Variants in BST1 observed in about 807,000 individuals in gnomAD.
BST1 encodes the protein bone marrow stromal cell antigen 1, also known as ADP-ribosyl cyclase/cyclic ADP-ribose hydrolase 2.
A neutral mutation model predicts 40.6 loss-of-function variants in BST1; 49 were observed. The observed-to-expected ratio is 1.21, with a 90% CI of 0.96 to 1.53. The LOEUF (loss-of-function observed/expected upper bound fraction) is 1.53. Among genes scored for constraint, BST1 ranks in the 40% most tolerant of loss-of-function variants. The probability of loss-of-function intolerance (pLI) is 0.00; values close to 1 mark genes in which losing one functional copy is unlikely to be tolerated. For synonymous variants in BST1, 157 were observed against 159.3 expected, an observed-to-expected ratio of 0.99 and a Z score of 0.11; for missense variants, 423 against 395.9, an observed-to-expected ratio of 1.07 and a Z score of -0.58.
chr4:15,750,179 T>C, the BST1 span, among the ~76,000 whole-genome samples: 4 of 151,980 alleles, frequency 2.6e-5, no homozygotes, highest in African/African-American at 9.7e-5. Context: ...TGCCCACCAC[T>C]ATGCCCAGCT....
downstream of BST1, among the ~76,000 whole-genome samples, chr4:15,737,567 A>G (rs765366558): frequency 6.6e-6 from 1 of 152,182 alleles, no homozygotes; most frequent in Non-Finnish European, 1.5e-5. Flanking sequence ...GGCACACTTA[A>G]TGGGTACTTA....
chr4:15,732,163 AT>A lies in BST1; in HGVS notation c.*322del. On this transcript the variant is annotated 3_prime_UTR_variant, in exon 9 of 9. Coordinates refer to ENST00000265016, the MANE Select transcript of BST1 (RefSeq NM_004334.3). ...TTTAAGAGAATTCTAATAAAGCTGT[AT>A]TTTACATCATCTATATTTTCCTATA... The A allele has an allele frequency of 9.2e-7, 1 of 1,081,604 alleles. No homozygotes were observed. The highest frequency in any genetic ancestry group is 1.1e-6 in the Non-Finnish European group (1 of 886,780). 67.0% of individuals were successfully genotyped at this position (1,081,604 alleles called of 1,614,324 possible). A position where few individuals can be genotyped will look rare whatever the true frequency, so the allele number is the denominator to read the frequency against.
At chr4:15,705,664 T>C (rs1719844117) in intron 2 of BST1, 23 bp downstream of exon 2, 1 of 1,612,648 alleles carries the variant, frequency 6.2e-7, no homozygotes, top group South Asian at 1.1e-5. Flanking sequence ...CCATCTTGGG[T>C]AAAACTGTGT....
At chr4:15,723,197 T>TA (rs2148891013) in intron 8 of BST1, among the ~76,000 whole-genome samples, 1 of 152,338 alleles carries the variant, frequency 6.6e-6, no homozygotes, top group East Asian at 1.9e-4. Context: ...CATACTTCTG[T>TA]CCTAGTCTGT....
chr4:15,767,840 C>T, the BST1 span, among the ~76,000 whole-genome samples: 496 of 151,924 alleles, frequency 3.3e-3, 3 homozygotes, highest in Non-Finnish European at 4.2e-3. Context: ...AGGCTGGTCT[C>T]GAACTCCTGA....
chr4:15,722,000 C>T (rs1454825878), intron 7 of BST1, among the ~76,000 whole-genome samples: 1 of 152,140 alleles, frequency 6.6e-6, no homozygotes, highest in Non-Finnish European at 1.5e-5. Flanking sequence ...CAAGACCTGG[C>T]TCCTGTCTTC....
downstream of BST1, among the ~76,000 whole-genome samples, chr4:15,742,711 T>C (rs1721774463): frequency 6.6e-6 from 1 of 152,052 alleles, no homozygotes; most frequent in Admixed American, 6.5e-5. Flanking sequence ...GATGAAGAAG[T>C]GGGAATTGAG....
intron 6 of BST1, among the ~76,000 whole-genome samples, chr4:15,717,944 G>A (rs768205501): frequency 3.3e-5 from 5 of 152,322 alleles, no homozygotes; most frequent in Admixed American, 1.3e-4. Context: ...TCAGCTGAGC[G>A]TCTGGTGATA....
At chr4:15,757,839 T>C in the BST1 span, among the ~76,000 whole-genome samples, 1 of 151,944 alleles carries the variant, frequency 6.6e-6, no homozygotes, top group Non-Finnish European at 1.5e-5. Flanking sequence ...ACAGGGTTTC[T>C]CCATGTTGAT....
At chr4:15,767,007 A>G in the BST1 span, among the ~76,000 whole-genome samples, 10 of 151,840 alleles carry the variant, frequency 6.6e-5, no homozygotes, top group Non-Finnish European at 1.5e-4. Context: ...AGGGGATGCT[A>G]TAGTAGATAA....
chr4:15,754,516 T>G, the BST1 span, among the ~76,000 whole-genome samples: 7 of 152,210 alleles, frequency 4.6e-5, no homozygotes, highest in African/African-American at 1.4e-4. Context: ...GCATGAATGC[T>G]GAGAGGAAGG....
the BST1 span, among the ~76,000 whole-genome samples, chr4:15,743,790 G>C: frequency 1.3e-5 from 2 of 152,214 alleles, no homozygotes; most frequent in African/African-American, 4.8e-5. Context: ...ACTCTTTTCT[G>C]TTGGTGTGAG....
intron 6 of BST1, 53 bp downstream of exon 6, chr4:15,715,852 A>G: frequency 3.9e-6 from 5 of 1,292,598 alleles, no homozygotes; most frequent in Non-Finnish European, 5.3e-6. Flanking sequence ...TTTTTCTTGT[A>G]TATAATATGA....
chr4:15,732,006 AT>A lies in BST1; in HGVS notation c.*164del, dbSNP rs1315537309. The A allele has an allele frequency of 1.5e-6, 2 of 1,338,200 alleles. No individual in the cohort carries two copies. Among genetic ancestry groups the A allele is most frequent in the Non-Finnish European group, 1.9e-6 (2 of 1,042,378 alleles). 82.9% of individuals were successfully genotyped at this position (1,338,200 alleles called of 1,614,324 possible). A position where few individuals can be genotyped will look rare whatever the true frequency, so the allele number is the denominator to read the frequency against. On this transcript the variant is annotated 3_prime_UTR_variant, in exon 9 of 9. Transcript: ENST00000265016. Reference sequence around the variant, plus strand: ...TATTTCAATGAGGCATATGTTCAGGATTTCAGAAACAAGAAGTTAGTTCTAT... The same window carrying A: ...TATTTCAATGAGGCATATGTTCAGGATTCAGAAACAAGAAGTTAGTTCTAT...
intron 7 of BST1, among the ~76,000 whole-genome samples, chr4:15,719,251 A>C (rs1466029116): frequency 4.6e-5 from 7 of 152,062 alleles, no homozygotes; most frequent in Non-Finnish European, 8.8e-5. Context: ...GCTCATGCCC[A>C]GTTCTCTCCT....
chr4:15,723,019 T>C, intron 8 of BST1, 85 bp downstream of exon 8: 1 of 1,253,204 alleles, frequency 8.0e-7, no homozygotes, highest in Non-Finnish European at 1.2e-6. Flanking sequence ...CATGAACATA[T>C]TATCAGAGGC....
chr4:15,707,630 A>G lies in BST1; in HGVS notation c.435A>G (p.Arg145=), dbSNP rs75054170. 808 of 1,614,056 alleles carry G rather than the reference A, an allele frequency of 5.0e-4. 5 individuals are homozygous for G. The African/African-American group carries it at 9.4e-3, about 19-fold the overall frequency. Residue 145 remains arginine, a synonymous_variant, in exon 3 of 9, where the codon CGA becomes CGG. Transcript: ENST00000265016. ...TTGCAGATTTCTTGAGCTGGTGTCGACAGAAAAATGACTCTGGTAAGACTC... is the reference window on the plus strand; with the variant it reads ...TTGCAGATTTCTTGAGCTGGTGTCGGCAGAAAAATGACTCTGGTAAGACTC... ...GRVADFLSWC[R]QKNDSGLDYQ...
At chr4:15,757,891 C>A in the BST1 span, among the ~76,000 whole-genome samples, 321 of 152,254 alleles carry the variant, frequency 2.1e-3, 1 homozygote, top group Admixed American at 4.4e-3. Flanking sequence ...ATCCGCCCTC[C>A]TCGGCCTCCC....
the BST1 span, among the ~76,000 whole-genome samples, chr4:15,756,264 T>C: frequency 2.0e-5 from 3 of 152,040 alleles, no homozygotes; most frequent in African/African-American, 7.3e-5. Context: ...TTTTAAAGGG[T>C]CTTGAAAACA....
Sources: gnomAD v4.1 joint callset for allele counts (sites outside exome capture counted in the v4.1 genomes callset) on GRCh38, gnomAD v4.1.1 for gene constraint, MANE v1.5 for transcripts, NCBI Gene and HGNC (gene_info 2026-07-23, HGNC 2026-07-21) for gene names.